Variants in CA1 observed in about 807,000 individuals in gnomAD.
CA1 encodes the protein carbonic anhydrase 1, also known as carbonate dehydratase I.
A neutral mutation model predicts 28.8 loss-of-function variants in CA1; 27 were observed. The observed-to-expected ratio is 0.94, with a 90% CI of 0.69 to 1.29. The LOEUF is 1.29. Ranked by LOEUF, CA1 falls within the 50% of genes most tolerant of loss-of-function variation. The pLI, the probability that CA1 is intolerant of heterozygous loss-of-function variation, is 0.00. For synonymous variants in CA1, 121 were observed against 108.8 expected (o/e 1.11, Z -0.70); for missense variants, 335 against 310.5 (o/e 1.08, Z -0.59).
intron 6 of CA1, among the ~76,000 whole-genome samples, chr8:85,330,923 T>G (rs997042443): frequency 1.3e-5 from 2 of 152,160 alleles, no homozygotes; most frequent in Non-Finnish European, 2.9e-5. Flanking sequence ...TTTTGTTTTG[T>G]TTGTCTGTTT....
chr8:85,332,068 G>T (rs1234734315), intron 6 of CA1, among the ~76,000 whole-genome samples: 2 of 151,826 alleles, frequency 1.3e-5, no homozygotes, highest in African/African-American at 4.8e-5. Flanking sequence ...CATTTTTTTT[G>T]AGTTGACAAG....
At chr8:85,354,507 G>A (rs1809532884) in intron 1 of CA1, among the ~76,000 whole-genome samples, 1 of 152,044 alleles carries the variant, frequency 6.6e-6, no homozygotes, top group South Asian at 2.1e-4. Flanking sequence ...AAAAATATCT[G>A]TTTCCTCACA....
chr8:85,338,518 T>G (rs569079610), intron 2 of CA1, 69 bp from the exon 3 acceptor site: 1 of 1,177,626 alleles, frequency 8.5e-7, no homozygotes, highest in African/African-American at 1.5e-5. Context: ...AGGAGTATAG[T>G]TACCTGTTTG....
intron 1 of CA1, among the ~76,000 whole-genome samples, chr8:85,348,410 A>G (rs187135454): frequency 2.4e-3 from 365 of 152,338 alleles, no homozygotes; most frequent in Non-Finnish European, 1.8e-3. Context: ...AGTACTGGCA[A>G]TACCAGTTGT....
At chr8:85,369,512 T>C (rs1810137255) in intron 1 of CA1, among the ~76,000 whole-genome samples, 1 of 152,210 alleles carries the variant, frequency 6.6e-6, no homozygotes, top group Non-Finnish European at 1.5e-5. Context: ...ACATAGTGAT[T>C]TGAAACTCCA....
chr8:85,334,200 C>G (rs1342823045), intron 4 of CA1, among the ~76,000 whole-genome samples: 1 of 152,194 alleles, frequency 6.6e-6, no homozygotes, highest in Non-Finnish European at 1.5e-5. Flanking sequence ...CAGACTTAAT[C>G]TGGCCAAAAT....
chr8:85,328,999 A>T (rs1808287822), intron 7 of CA1, among the ~76,000 whole-genome samples: 1 of 152,144 alleles, frequency 6.6e-6, no homozygotes, highest in Admixed American at 6.6e-5. Flanking sequence ...TGGGCGAGCG[A>T]CTTATTAGCT....
chr8:85,330,583 G>A (rs1407158139), intron 6 of CA1, among the ~76,000 whole-genome samples: 3 of 152,076 alleles, frequency 2.0e-5, no homozygotes, highest in Non-Finnish European at 4.4e-5. Context: ...GAAGTTAAAT[G>A]TTGATACAAG....
intron 1 of CA1, among the ~76,000 whole-genome samples, chr8:85,375,191 T>G (rs1048530326): frequency 6.6e-6 from 1 of 152,138 alleles, no homozygotes; most frequent in African/African-American, 2.4e-5. Context: ...CTCCAACATT[T>G]TTGCTTCTCT....
intron 4 of CA1, 103 bp downstream of exon 4, chr8:85,336,842 C>T: frequency 1.3e-6 from 1 of 785,214 alleles, no homozygotes; most frequent in Non-Finnish European, 2.3e-6. Context: ...CTGGAATACC[C>T]ATTCCTTTGG....
intron 1 of CA1, among the ~76,000 whole-genome samples, chr8:85,357,547 A>G (rs1214190519): frequency 6.6e-6 from 1 of 152,210 alleles, no homozygotes; most frequent in Admixed American, 6.5e-5. Context: ...GAGAGGTGGT[A>G]TCTAATGAAA....
In CA1 at chr8:85,328,654, A is replaced by G; in HGVS notation, c.692T>C (p.Leu231Pro). The change falls in exon 8 of 8, where the codon CTA becomes CCA. Residue 231 changes from leucine (L) to proline (P), a missense_variant. Physicochemically the swap from Leu to Pro is moderately conservative, Grantham distance 98. Coordinates refer to ENST00000523022, the MANE Select transcript of CA1 (RefSeq NM_001128831.4). ...SEQLAQFRSL[L>P]SNVEGDNAVP... ...AGCGTTATCACCTTCAACATTTGAT[A>G]GAAGGCTGCGGAATTGTGCCAGCTA... is the stretch of plus-strand genomic sequence containing the variant. The G allele has an allele frequency of 6.2e-7, 1 of 1,608,882 alleles. No homozygotes were observed.
chr8:85,336,841 C>T (rs1343004776), intron 4 of CA1, 104 bp downstream of exon 4: 1 of 783,826 alleles, frequency 1.3e-6, no homozygotes, highest in African/African-American at 1.7e-5. Flanking sequence ...ACTGGAATAC[C>T]CATTCCTTTG....
rs761155459 is a variant in CA1, at chr8:85,338,328, G to A, written c.159C>T (p.Asn53=). The A allele has an allele frequency of 8.1e-6, 13 of 1,613,962 alleles. No homozygotes were observed. The highest frequency in any genetic ancestry group is 4.4e-5 in the South Asian group (4 of 91,080). Residue 53 remains asparagine, a synonymous_variant, in exon 3 of 8, where the codon AAC becomes AAT. Coordinates refer to ENST00000523022, the MANE Select transcript of CA1 (RefSeq NM_001128831.4). ...TSLKPISVSY[N]PATAKEIINV... ...TGATAATTTCTTTGGCTGTGGCTGG[G>A]TTGTAGGAGACACTAATAGGTTTCA... is the stretch of plus-strand genomic sequence containing the variant.
At chr8:85,338,490 T>C (rs1808759709) in intron 2 of CA1, 41 bp from the exon 3 acceptor site, 1 of 1,495,016 alleles carries the variant, frequency 6.7e-7, no homozygotes, top group Non-Finnish European at 9.3e-7. Context: ...TCTTATCAAA[T>C]GCTTGATTCC....
At chr8:85,353,565 T>C (rs1353341761) in intron 1 of CA1, among the ~76,000 whole-genome samples, 1 of 152,236 alleles carries the variant, frequency 6.6e-6, no homozygotes, top group Non-Finnish European at 1.5e-5. Context: ...TACATTAGAA[T>C]TTGGCCCTAT....
At chr8:85,361,697 A>G (rs1221081451) in intron 1 of CA1, among the ~76,000 whole-genome samples, 1 of 152,182 alleles carries the variant, frequency 6.6e-6, no homozygotes, top group Non-Finnish European at 1.5e-5. Context: ...CTGTCAAAAA[A>G]TAAAATAAAA....
At chr8:85,349,427 A>G (rs751607048) in intron 1 of CA1, among the ~76,000 whole-genome samples, 10 of 152,242 alleles carry the variant, frequency 6.6e-5, no homozygotes, top group Non-Finnish European at 1.0e-4. Context: ...TTATAAAATC[A>G]AACTAACAGT....
At chr8:85,332,777 G>C (rs1230713307) in intron 5 of CA1, among the ~76,000 whole-genome samples, 8 of 152,046 alleles carry the variant, frequency 5.3e-5, no homozygotes, top group Admixed American at 5.2e-4. Context: ...CAAAAAGTTT[G>C]ATTTAAACTT....
Sources: gnomAD v4.1 joint callset for allele counts (sites outside exome capture counted in the v4.1 genomes callset) on GRCh38, gnomAD v4.1.1 for gene constraint, MANE v1.5 for transcripts, NCBI Gene and HGNC (gene_info 2026-07-23, HGNC 2026-07-21) for gene names.